The following NPAS3 variants were observed in gnomAD, a reference collection of about 807,000 sequenced individuals.
NPAS3 encodes the protein neuronal PAS domain protein 3, also known as neuronal PAS domain-containing protein 3.
Under a neutral mutation model 73.1 loss-of-function variants are expected in NPAS3, and 14 were observed. The observed-to-expected ratio is 0.19, with a 90% CI of 0.13 to 0.30. The LOEUF (loss-of-function observed/expected upper bound fraction) is 0.30, where lower values mean the gene tolerates loss of function less well. Ranked by LOEUF, NPAS3 falls within the 10% of genes least tolerant of loss-of-function variation. NPAS3 has a pLI of 1.00. For missense variants in NPAS3, 1,096 were observed against 1,250.0 expected (o/e 0.88, Z 1.86); for synonymous variants, 620 against 541.5 (o/e 1.14, Z -2.01).
chr14:33,277,758 T>A (rs1323692840), intron 3 of NPAS3, among the ~76,000 whole-genome samples: 2 of 151,944 alleles, frequency 1.3e-5, no homozygotes, highest in Non-Finnish European at 2.9e-5. Context: ...TGGAGCAGAA[T>A]GAGAAAGGGG....
At chr14:33,030,792 G>T (rs568302602) in intron 1 of NPAS3, among the ~76,000 whole-genome samples, 1 of 152,320 alleles carries the variant, frequency 6.6e-6, no homozygotes, top group South Asian at 2.1e-4. Context: ...GGACATGCAT[G>T]TATTTTGTCT....
intron 4 of NPAS3, among the ~76,000 whole-genome samples, chr14:33,488,839 T>A (rs2051744561): frequency 6.6e-6 from 1 of 152,176 alleles, no homozygotes; most frequent in Non-Finnish European, 1.5e-5. Flanking sequence ...ATACTATATC[T>A]ATTGAAGGAG....
At chr14:33,690,900 G>A (rs1265416553) in intron 6 of NPAS3, among the ~76,000 whole-genome samples, 4 of 147,078 alleles carry the variant, frequency 2.7e-5, no homozygotes, top group African/African-American at 1.0e-4. Flanking sequence ...GATTCGTTAA[G>A]CCTATGGTGC....
intron 9 of NPAS3, among the ~76,000 whole-genome samples, chr14:33,779,722 T>G (rs2062923351): frequency 1.3e-5 from 2 of 152,164 alleles, no homozygotes; most frequent in South Asian, 4.1e-4. Context: ...AAGTGTGTAG[T>G]AGGCTACACC....
At chr14:33,390,257 G>T (rs767720078) in intron 4 of NPAS3, among the ~76,000 whole-genome samples, 7 of 152,010 alleles carry the variant, frequency 4.6e-5, no homozygotes. Flanking sequence ...AGAACTTTTG[G>T]AACCTAGGTC....
intron 3 of NPAS3, among the ~76,000 whole-genome samples, chr14:33,292,620 T>C (rs1230889067): frequency 6.6e-6 from 1 of 152,164 alleles, no homozygotes; most frequent in Non-Finnish European, 1.5e-5. Flanking sequence ...TTATTTTTTG[T>C]TATTTTTTTA....
chr14:33,172,277 A>G (rs141667939), intron 2 of NPAS3, among the ~76,000 whole-genome samples: 12 of 152,334 alleles, frequency 7.9e-5, no homozygotes, highest in Non-Finnish European at 1.2e-4. Flanking sequence ...AAAGCACAGT[A>G]TATGTGGTGC....
chr14:33,103,882 A>T (rs2042647119), intron 2 of NPAS3, among the ~76,000 whole-genome samples: 1 of 152,178 alleles, frequency 6.6e-6, no homozygotes, highest in Non-Finnish European at 1.5e-5. Flanking sequence ...CTGCAGCAAG[A>T]AAAGCACTGG....
intron 3 of NPAS3, among the ~76,000 whole-genome samples, chr14:33,256,724 G>A (rs1207816375): frequency 6.6e-6 from 1 of 152,046 alleles, no homozygotes; most frequent in Non-Finnish European, 1.5e-5. Context: ...TATAATTTTA[G>A]ACTTACATAT....
intron 2 of NPAS3, among the ~76,000 whole-genome samples, chr14:33,171,315 C>A (rs1382782400): frequency 6.6e-6 from 1 of 152,158 alleles, no homozygotes; most frequent in South Asian, 2.1e-4. Context: ...GAGCACAGGC[C>A]GAGTAGTTCT....
chr14:33,052,100 A>C (rs549733858), intron 1 of NPAS3, among the ~76,000 whole-genome samples: 1 of 152,302 alleles, frequency 6.6e-6, no homozygotes, highest in South Asian at 2.1e-4. Flanking sequence ...ATAGTTCAAA[A>C]TTATAAGTAG....
At chr14:33,673,797 G>A (rs767044072) in intron 5 of NPAS3, among the ~76,000 whole-genome samples, 54 of 152,318 alleles carry the variant, frequency 3.5e-4, no homozygotes, top group Middle Eastern at 6.8e-3. Flanking sequence ...TTTAGAAGAG[G>A]AAACTGAAGC....
intron 1 of NPAS3, among the ~76,000 whole-genome samples, chr14:32,948,780 C>T (rs1456069412): frequency 6.6e-6 from 1 of 152,102 alleles, no homozygotes; most frequent in Non-Finnish European, 1.5e-5. Flanking sequence ...ACCAGCCCCT[C>T]TCCATTCCTC....
chr14:33,269,758 A>G (rs190993436), intron 3 of NPAS3, among the ~76,000 whole-genome samples: 1 of 152,086 alleles, frequency 6.6e-6, no homozygotes, highest in East Asian at 1.9e-4. Context: ...TCATGACTTT[A>G]TCTTAAGGCA....
At chr14:33,067,337 C>G (rs942157607) in intron 2 of NPAS3, among the ~76,000 whole-genome samples, 7 of 152,356 alleles carry the variant, frequency 4.6e-5, no homozygotes, top group Non-Finnish European at 8.8e-5. Flanking sequence ...TTAAAGAACA[C>G]ACAACCAGTG....
intron 7 of NPAS3, among the ~76,000 whole-genome samples, chr14:33,736,838 A>G (rs993479730): frequency 1.3e-5 from 2 of 152,212 alleles, no homozygotes; most frequent in African/African-American, 2.4e-5. Flanking sequence ...AATATTAAGT[A>G]TAATTCAATA....
intron 6 of NPAS3, among the ~76,000 whole-genome samples, chr14:33,710,412 T>C (rs1176025364): frequency 6.6e-6 from 1 of 152,218 alleles, no homozygotes; most frequent in Non-Finnish European, 1.5e-5. Flanking sequence ...GGGTCATTTG[T>C]GAACCACATA....
chr14:33,588,210 A>G (rs2056935300), intron 5 of NPAS3, among the ~76,000 whole-genome samples: 1 of 152,212 alleles, frequency 6.6e-6, no homozygotes, highest in Non-Finnish European at 1.5e-5. Flanking sequence ...CAAGGTTCCT[A>G]TGGCTCTAAA....
At chr14:33,322,588 T>C (rs570617183) in intron 3 of NPAS3, among the ~76,000 whole-genome samples, 2 of 152,220 alleles carry the variant, frequency 1.3e-5, no homozygotes, top group Admixed American at 1.3e-4. Context: ...GTCATTGACG[T>C]TCCCTCATCC....
Sources: gnomAD v4.1 joint callset for allele counts (sites outside exome capture counted in the v4.1 genomes callset) on GRCh38, gnomAD v4.1.1 for gene constraint, MANE v1.5 for transcripts, NCBI Gene and HGNC (gene_info 2026-07-23, HGNC 2026-07-21) for gene names.